DYRK1A: variants seen among roughly 807,000 people sequenced by gnomAD.
DYRK1A encodes dual specificity tyrosine-phosphorylation-regulated kinase 1A.
A neutral mutation model predicts 79.7 loss-of-function variants in DYRK1A; 9 were observed. The observed-to-expected ratio is 0.11, with a 90% confidence interval of 0.07 to 0.20. The LOEUF (loss-of-function observed/expected upper bound fraction) is 0.20, where lower values mean the gene tolerates loss of function less well. Ranked by LOEUF, DYRK1A falls within the 10% of genes least tolerant of loss-of-function variation. The probability of loss-of-function intolerance (pLI) is 1.00; values close to 1 mark genes in which losing one functional copy is unlikely to be tolerated. For synonymous variants in DYRK1A, 349 were observed against 329.7 expected, an observed-to-expected ratio of 1.06 and a Z score of -0.63; for missense variants, 622 against 956.0, an observed-to-expected ratio of 0.65 and a Z score of 4.61.
intron 9 of DYRK1A, among the ~76,000 whole-genome samples, chr21:37,496,679 G>A (rs2053280291): frequency 6.6e-6 from 1 of 151,916 alleles, no homozygotes; most frequent in African/African-American, 2.4e-5. Flanking sequence ...GGTAAATTAT[G>A]TCAGAAGATG....
At chr21:37,484,148 G>A (rs916910726) in intron 5 of DYRK1A, among the ~76,000 whole-genome samples, 25 of 152,072 alleles carry the variant, frequency 1.6e-4, no homozygotes, top group African/African-American at 6.0e-4. Flanking sequence ...TCTAGGTTGT[G>A]TACTCCTTAT....
At position 37,522,100 on chromosome 21, in the gene DYRK1A, A is replaced by G. The variant is rs28550863; in HGVS notation, c.*9569A>G. 0.038 allele frequency: 5,747 copies of G among 152,274 alleles called. 142 individuals are homozygous for G. Among genetic ancestry groups the G allele is most frequent in the Middle Eastern group, 0.085 (25 of 294 alleles). The allele number at this position is 152,274 out of a possible 1,614,324, so 9.4% of individuals were successfully genotyped here. ...AATCTTGTATGTTCTAAAAATTAAC[A>G]TCATTGCAGCTTCCTCAGCCCTAGG... On this transcript the variant is annotated 3_prime_UTR_variant, in exon 12 of 12. Transcript: ENST00000647188.
intron 2 of DYRK1A, among the ~76,000 whole-genome samples, chr21:37,448,369 G>C (rs990843056): frequency 2.0e-5 from 3 of 152,156 alleles, no homozygotes; most frequent in Middle Eastern, 3.4e-3. Context: ...CCCATAATCA[G>C]AGTCACCTGA....
At chr21:37,465,285 A>G (rs9979074) in intron 2 of DYRK1A, among the ~76,000 whole-genome samples, 51,962 of 152,040 alleles carry the variant, frequency 0.34, 9,065 homozygotes, top group East Asian at 0.43. Flanking sequence ...TTCCAAAAAG[A>G]ACATCAGATT....
rs2148671197 is a variant in DYRK1A at position 37,517,838 on chromosome 21, C to T, written c.*5307C>T. On this transcript the variant is annotated 3_prime_UTR_variant, in exon 12 of 12. Coordinates refer to ENST00000647188, the MANE Select transcript of DYRK1A (RefSeq NM_001347721.2). ...TGCTGGGGTGGGGTTTGTTAACTCC[C>T]TCTGAAATGAAAGAAAATACCTCTA... The T allele has an allele frequency of 6.6e-6, 1 of 152,110 alleles. No individual in the cohort carries two copies. The highest frequency in any genetic ancestry group is 6.6e-5 in the Admixed American group (1 of 15,266). 9.4% of individuals were successfully genotyped at this position (152,110 alleles called of 1,614,324 possible). A position where few individuals can be genotyped will look rare whatever the true frequency, so the allele number is the denominator to read the frequency against.
chr21:37,488,755 G>T (rs2052967561), intron 6 of DYRK1A: 1 of 985,214 alleles, frequency 1.0e-6, no homozygotes, highest in Non-Finnish European at 1.2e-6. Flanking sequence ...CTTCTTAAAG[G>T]AATTTTTATA....
chr21:37,440,130 CTTTTTTTTTTTTT>C (rs1164986221), intron 2 of DYRK1A, among the ~76,000 whole-genome samples: 1 of 37,744 alleles, frequency 2.6e-5, no homozygotes, highest in East Asian at 1.2e-3. Context: ...TTGTTTGCTC[CTTTTTTTTTTTTT>C]TTTTTTTTTT....
chr21:37,490,045 C>T, intron 6 of DYRK1A, 130 bp from the exon 7 acceptor site: 1 of 922,802 alleles, frequency 1.1e-6, no homozygotes, highest in Non-Finnish European at 1.6e-6. Flanking sequence ...TTACAAAATG[C>T]TGATCTCCAA....
rs527953576 is a variant in DYRK1A, at chr21:37,385,766, G to A, written c.-77+18138G>A. 3.3e-5 allele frequency among the ~76,000 whole-genome samples: 5 copies of A among 152,234 alleles called. No individual in the cohort carries two copies. The East Asian group carries it at 9.7e-4, about 29-fold the overall frequency. ...TTATTGCTTTAAGAAAGCACTTTTA[G>A]TATTACCATACCATGTTCTTCTAGT... On this transcript the variant is annotated intron_variant, in intron 1 of 11. Transcript: ENST00000647188.
Position 37,505,582 on chromosome 21 carries a change from A to G in DYRK1A, c.1512A>G (p.Ser504=). ...QSSGTTSSTS[S]SSGGSSGTSN... ...CGGGCACCACCTCCAGTACATCGTC[A>G]AGCTCAGGTCTGTGCTGCTGCGGTT... Residue 504 remains serine, a synonymous_variant, in exon 10 of 12, where the codon TCA becomes TCG. Coordinates refer to ENST00000647188, the MANE Select transcript of DYRK1A (RefSeq NM_001347721.2). The G allele has an allele frequency of 6.2e-7, 1 of 1,602,894 alleles. No homozygotes were observed. The highest frequency in any genetic ancestry group is 8.5e-7 in the Non-Finnish European group (1 of 1,178,364).
At position 37,525,752 on chromosome 21, in the gene DYRK1A, C is replaced by T. The variant is rs118020020; in HGVS notation, c.*13221C>T. 4.6e-5 allele frequency: 7 copies of T among 152,276 alleles called. No homozygotes were observed. Among genetic ancestry groups the T allele is most frequent in the Non-Finnish European group, 1.0e-4 (7 of 68,026 alleles). The allele number at this position is 152,276 out of a possible 1,614,324, so 9.4% of individuals were successfully genotyped here. ...CTTGTGGACTTCACTATCAACAGCT[C>T]TCATGAATTTTTGTCAGAAATATTA... On this transcript the variant is annotated 3_prime_UTR_variant, in exon 12 of 12. Coordinates refer to ENST00000647188, the MANE Select transcript of DYRK1A (RefSeq NM_001347721.2).
intron 1 of DYRK1A, among the ~76,000 whole-genome samples, chr21:37,373,864 G>A (rs1289299870): frequency 6.6e-6 from 1 of 152,164 alleles, no homozygotes; most frequent in Non-Finnish European, 1.5e-5. Flanking sequence ...AACATTGCCT[G>A]TTACACTTCA....
rs17193211 is a variant in DYRK1A, at chr21:37,513,203, C to T, written c.*672C>T. On this transcript the variant is annotated 3_prime_UTR_variant, in exon 12 of 12. Transcript: ENST00000647188. ...CTGAACCTACTGAGGAGCAAAGCAG[C>T]AATTACATGGGATCCTGTGGCTCTC... 0.056 allele frequency: 8,550 copies of T among 152,662 alleles called. 301 individuals are homozygous for T. The highest frequency in any genetic ancestry group is 0.081 in the Middle Eastern group (24 of 296). 9.5% of individuals were successfully genotyped at this position (152,662 alleles called of 1,614,324 possible). A position where few individuals can be genotyped will look rare whatever the true frequency, so the allele number is the denominator to read the frequency against.
intron 2 of DYRK1A, among the ~76,000 whole-genome samples, chr21:37,426,009 G>A (rs942446848): frequency 6.6e-6 from 1 of 152,210 alleles, no homozygotes; most frequent in Non-Finnish European, 1.5e-5. Context: ...CTGAAGGGGG[G>A]TTAGAGTCAT....
chr21:37,427,483 A>G (rs956330593), intron 2 of DYRK1A, among the ~76,000 whole-genome samples: 4 of 152,182 alleles, frequency 2.6e-5, no homozygotes, highest in Non-Finnish European at 5.9e-5. Context: ...ATATTCTTCT[A>G]TAGTACTGTT....
chr21:37,484,456 G>A (rs561308133), intron 5 of DYRK1A, among the ~76,000 whole-genome samples: 33 of 151,820 alleles, frequency 2.2e-4, no homozygotes, highest in Middle Eastern at 6.8e-3. Flanking sequence ...AGCCTCTTGG[G>A]TAGCTGGGAT....
chr21:37,476,979 C>T (rs988826245), intron 3 of DYRK1A, among the ~76,000 whole-genome samples: 2 of 152,084 alleles, frequency 1.3e-5, no homozygotes, highest in East Asian at 1.9e-4. Flanking sequence ...CATGATAAAG[C>T]GCACGTAGTA....
At chr21:37,496,040 TATGA>T (rs1240747679) in intron 8 of DYRK1A, 74 bp from the exon 9 acceptor site, 33 of 1,430,974 alleles carry the variant, frequency 2.3e-5, no homozygotes, top group Non-Finnish European at 3.0e-5. Context: ...GCAATTTATT[TATGA>T]ATGAATGACT....
intron 2 of DYRK1A, among the ~76,000 whole-genome samples, chr21:37,468,315 C>T (rs1644700983): frequency 6.6e-6 from 1 of 151,606 alleles, no homozygotes; most frequent in South Asian, 2.1e-4. Flanking sequence ...TGGTGTGTTT[C>T]CCAGGCTGGT....
Sources: allele counts gnomAD v4.1 joint callset (sites outside exome capture counted in the v4.1 genomes callset), GRCh38; gene constraint gnomAD v4.1.1; transcripts MANE v1.5; gene names NCBI Gene and HGNC (gene_info 2026-07-23, HGNC 2026-07-21).